Variants in PGAP4 observed in about 807,000 individuals in gnomAD.
PGAP4 encodes the protein GPI-N-acetylgalactosamine transferase PGAP4.
PGAP4 carries 12 observed loss-of-function variants against 28.2 expected under a neutral mutation model. The ratio of observed to expected loss-of-function variants is 0.42; its 90% CI spans 0.27 to 0.69. The LOEUF (loss-of-function observed/expected upper bound fraction) is 0.69. PGAP4 is among the 30% of genes least tolerant of loss of function. The pLI, the probability that PGAP4 is intolerant of heterozygous loss-of-function variation, is 0.22. For missense variants in PGAP4, 425 were observed against 513.5 expected (o/e 0.83, Z 1.67); for synonymous variants, 205 against 211.8 (o/e 0.97, Z 0.28).
At chr9:101,499,847 T>G (rs1263869056) in intron 2 of PGAP4, among the ~76,000 whole-genome samples, 9 of 152,198 alleles carry the variant, frequency 5.9e-5, no homozygotes, top group Non-Finnish European at 1.2e-4. Flanking sequence ...TACTTGAGAT[T>G]AACTTGCAGA....
intron 2 of PGAP4, among the ~76,000 whole-genome samples, chr9:101,523,831 G>C (rs1000316540): frequency 1.3e-5 from 2 of 151,644 alleles, no homozygotes; most frequent in East Asian, 3.9e-4. Flanking sequence ...TATTACCAGG[G>C]TTGGTTTTCT....
In PGAP4 at chr9:101,493,146, C is replaced by T. The variant is rs553520463; in HGVS notation, c.-164-3946G>A. ...GCAGGCGCTCGTAGTCCCAGCTACT[C>T]GGGAGGCTGAGGCAGGAGAATCACT... is the stretch of plus-strand genomic sequence containing the variant. On this transcript the variant is annotated intron_variant, in intron 2 of 3. Coordinates refer to the PGAP4 transcript ENST00000374851. 2.7e-4 allele frequency among the ~76,000 whole-genome samples: 40 copies of T among 150,730 alleles called. No individual in the cohort carries two copies. The South Asian group carries it at 7.3e-3, about 28-fold the overall frequency.
chr9:101,527,063 TG>T (rs1827041218), intron 2 of PGAP4, among the ~76,000 whole-genome samples: 1 of 152,206 alleles, frequency 6.6e-6, no homozygotes, highest in African/African-American at 2.4e-5. Flanking sequence ...TATATCAGCA[TG>T]TGCATATTTA....
intron 1 of PGAP4, among the ~76,000 whole-genome samples, chr9:101,481,019 A>G (rs1378902962): frequency 6.6e-6 from 1 of 152,090 alleles, no homozygotes; most frequent in African/African-American, 2.4e-5. Context: ...TCAACAAAAG[A>G]TACAAAAATT....
intron 2 of PGAP4, among the ~76,000 whole-genome samples, chr9:101,509,580 T>C (rs1201965149): frequency 6.6e-6 from 1 of 152,182 alleles, no homozygotes; most frequent in Non-Finnish European, 1.5e-5. Context: ...AGAGAAGGCC[T>C]GTGTGCTCTG....
intron 2 of PGAP4, among the ~76,000 whole-genome samples, chr9:101,517,988 G>A (rs1039563023): frequency 2.0e-5 from 3 of 152,066 alleles, no homozygotes; most frequent in African/African-American, 7.2e-5. Context: ...CCATCACCCA[G>A]GCAGTGAGCA....
At chr9:101,509,758 C>T (rs913474605) in intron 2 of PGAP4, among the ~76,000 whole-genome samples, 19 of 152,146 alleles carry the variant, frequency 1.2e-4, no homozygotes, top group African/African-American at 4.1e-4. Context: ...ATGGATGACA[C>T]GGTGCAGCTA....
At chr9:101,510,872 C>T (rs1041471010) in intron 2 of PGAP4, among the ~76,000 whole-genome samples, 3 of 152,020 alleles carry the variant, frequency 2.0e-5, no homozygotes, top group African/African-American at 7.2e-5. Flanking sequence ...TGAAGTACCT[C>T]AACTTACTTT....
intron 2 of PGAP4, among the ~76,000 whole-genome samples, chr9:101,494,472 C>A (rs1300027206): frequency 6.6e-6 from 1 of 151,744 alleles, no homozygotes; most frequent in East Asian, 1.9e-4. Context: ...AAAGAGCCAA[C>A]AATGCTTTAA....
intron 2 of PGAP4, among the ~76,000 whole-genome samples, chr9:101,514,920 A>G (rs1482011775): frequency 6.6e-6 from 1 of 152,164 alleles, no homozygotes; most frequent in African/African-American, 2.4e-5. Flanking sequence ...GGACACTTCA[A>G]CTGGCTCTAA....
At chr9:101,505,401 C>G (rs1383526808) in intron 2 of PGAP4, among the ~76,000 whole-genome samples, 1 of 152,006 alleles carries the variant, frequency 6.6e-6, no homozygotes, top group African/African-American at 2.4e-5. Flanking sequence ...CTAAAATGGA[C>G]ATTTTAGATT....
chr9:101,515,204 C>A (rs1826933130), intron 2 of PGAP4, among the ~76,000 whole-genome samples: 1 of 152,050 alleles, frequency 6.6e-6, no homozygotes, highest in Non-Finnish European at 1.5e-5. Flanking sequence ...GAACCCATTC[C>A]TTGCTTATTT....
chr9:101,498,881 T>A (rs1361903445), intron 2 of PGAP4, among the ~76,000 whole-genome samples: 1 of 151,992 alleles, frequency 6.6e-6, no homozygotes, highest in Non-Finnish European at 1.5e-5. Flanking sequence ...GTTTAGAATG[T>A]TTATTTTTTT....
At chr9:101,528,910 C>T (rs902132063) in intron 2 of PGAP4, among the ~76,000 whole-genome samples, 32 of 151,192 alleles carry the variant, frequency 2.1e-4, no homozygotes, top group East Asian at 1.9e-4. Context: ...GCCTAGTTCT[C>T]GTTAGTTGTT....
chr9:101,496,089 T>C (rs1826745440), intron 2 of PGAP4, among the ~76,000 whole-genome samples: 1 of 151,504 alleles, frequency 6.6e-6, no homozygotes, highest in Non-Finnish European at 1.5e-5. Flanking sequence ...TTTGGTTATA[T>C]GGAACAATTT....
intron 2 of PGAP4, among the ~76,000 whole-genome samples, chr9:101,498,631 A>G (rs1826772556): frequency 6.6e-6 from 1 of 151,998 alleles, no homozygotes; most frequent in Admixed American, 6.6e-5. Flanking sequence ...AACTTAAAAT[A>G]CTACATGTTA....
chr9:101,521,602 A>G (rs1588210590), intron 2 of PGAP4, among the ~76,000 whole-genome samples: 1 of 151,766 alleles, frequency 6.6e-6, no homozygotes, highest in East Asian at 1.9e-4. Context: ...TCTTCTCTTC[A>G]TTTCTTGGTT....
At chr9:101,480,135 T>A (rs964755308) in intron 1 of PGAP4, among the ~76,000 whole-genome samples, 2 of 152,144 alleles carry the variant, frequency 1.3e-5, no homozygotes, top group African/African-American at 4.8e-5. Flanking sequence ...TATGGAAATT[T>A]TTTTTAGAAT....
At chr9:101,505,789 C>G (rs1383996595) in intron 2 of PGAP4, among the ~76,000 whole-genome samples, 1 of 152,036 alleles carries the variant, frequency 6.6e-6, no homozygotes, top group Non-Finnish European at 1.5e-5. Context: ...ACCAACCCTA[C>G]CCACCCCCTT....
Sources: allele counts gnomAD v4.1 joint callset (sites outside exome capture counted in the v4.1 genomes callset), GRCh38; gene constraint gnomAD v4.1.1; transcripts MANE v1.5; gene names NCBI Gene and HGNC (gene_info 2026-07-23, HGNC 2026-07-21).